The following PHACTR1 variants were observed in gnomAD, a reference collection of about 807,000 sequenced individuals.
PHACTR1 encodes phosphatase and actin regulator 1.
In PHACTR1, 16 loss-of-function variants were observed where a neutral mutation model predicts 69.2. That is an observed-to-expected ratio of 0.23 (90% CI 0.16 to 0.35). The LOEUF (loss-of-function observed/expected upper bound fraction) is 0.35. Among genes scored for constraint, PHACTR1 ranks in the 10% least tolerant of loss-of-function variants. The pLI, the probability that PHACTR1 is intolerant of heterozygous loss-of-function variation, is 1.00. For synonymous variants in PHACTR1, 312 were observed against 284.5 expected, an observed-to-expected ratio of 1.10 and a Z score of -0.97; for missense variants, 510 against 734.7, an observed-to-expected ratio of 0.69 and a Z score of 3.54.
chr6:12,733,282 G>T (rs1763797746), intron 3 of PHACTR1, among the ~76,000 whole-genome samples: 1 of 152,150 alleles, frequency 6.6e-6, no homozygotes, highest in Admixed American at 6.5e-5. Context: ...TAAAACTGAG[G>T]CTTAGGGAAG....
chr6:13,268,912 A>C (rs964912978), intron 10 of PHACTR1, among the ~76,000 whole-genome samples: 1 of 152,250 alleles, frequency 6.6e-6, no homozygotes, highest in African/African-American at 2.4e-5. Flanking sequence ...GTGTTTGACT[A>C]TAAAGCAGCC....
At position 13,210,911 on chromosome 6, in the gene PHACTR1, CTTTTTTTTT is replaced by C. The variant is rs56769825; in HGVS notation, c.986+4789_986+4797del. Among the ~76,000 whole-genome samples the C allele has an allele frequency of 8.8e-3, 639 of 72,958 alleles. 8 individuals are homozygous for C. Among genetic ancestry groups the C allele is most frequent in the African/African-American group, 0.03 (619 of 20,446 alleles). The allele number at this position is 72,958 out of a possible 152,430, so 47.9% of individuals were successfully genotyped here. On this transcript the variant is annotated intron_variant, in intron 8 of 14. Transcript: ENST00000332995. ...TTTGGAAGATGATGGTTTATCATTTCTTTTTTTTTTTTTTTTTTTTTTGCATTGAGATTT... is the reference window on the plus strand; with the variant it reads ...TTTGGAAGATGATGGTTTATCATTTCTTTTTTTTTTTTTGCATTGAGATTT...
At chr6:12,906,012 T>C (rs1247166887) in intron 4 of PHACTR1, among the ~76,000 whole-genome samples, 3 of 152,218 alleles carry the variant, frequency 2.0e-5, no homozygotes, top group Non-Finnish European at 2.9e-5. Flanking sequence ...TCTCACTTTA[T>C]TTCTGCTTTT....
intron 8 of PHACTR1, among the ~76,000 whole-genome samples, chr6:13,223,987 T>TA (rs139577439): frequency 0.013 from 2,031 of 152,058 alleles, 38 homozygotes; most frequent in East Asian, 0.075. Context: ...CCCTGAAAAT[T>TA]AAAAAAAACC....
chr6:13,109,677 T>TAA (rs1397616965), intron 5 of PHACTR1, among the ~76,000 whole-genome samples: 4 of 152,148 alleles, frequency 2.6e-5, no homozygotes. Flanking sequence ...TATACTTACA[T>TAA]AGTTTTTATC....
chr6:12,727,198 T>C (rs1043009286), intron 3 of PHACTR1, among the ~76,000 whole-genome samples: 25 of 152,172 alleles, frequency 1.6e-4, no homozygotes, highest in Admixed American at 1.6e-3. Flanking sequence ...TTTCCAAACC[T>C]GTGTTTAATA....
At position 12,830,537 on chromosome 6, in the gene PHACTR1, A is replaced by G. The variant is rs115017458; in HGVS notation, c.250+80747A>G. ...CTATTATCACCTAGGGGCAGGATAT[A>G]CTAACTGAAGACTCATTTCTTCTGA... On this transcript the variant is annotated intron_variant, in intron 4 of 14. Coordinates refer to ENST00000332995, the MANE Select transcript of PHACTR1 (RefSeq NM_030948.6). Among the ~76,000 whole-genome samples the G allele has an allele frequency of 7.0e-3, 1,066 of 152,088 alleles. 17 individuals carry two copies. The highest frequency in any genetic ancestry group is 0.024 in the African/African-American group (1,015 of 41,464).
chr6:12,721,379 G>C (rs1762107677), intron 3 of PHACTR1, among the ~76,000 whole-genome samples: 1 of 145,678 alleles, frequency 6.9e-6, no homozygotes, highest in East Asian at 2.0e-4. Flanking sequence ...GTGAGATTCT[G>C]TCAAAAAAAA....
At chr6:12,960,732 C>T (rs1471362195) in intron 4 of PHACTR1, among the ~76,000 whole-genome samples, 1 of 152,194 alleles carries the variant, frequency 6.6e-6, no homozygotes, top group African/African-American at 2.4e-5. Context: ...CATCCTGAAT[C>T]TGATGGGCTC....
intron 4 of PHACTR1, among the ~76,000 whole-genome samples, chr6:13,005,824 C>T (rs1328252669): frequency 6.6e-6 from 1 of 152,136 alleles, no homozygotes; most frequent in African/African-American, 2.4e-5. Context: ...TAAAATCTTC[C>T]CAGAGCTGAC....
intron 3 of PHACTR1, among the ~76,000 whole-genome samples, chr6:12,721,074 C>T (rs1352942086): frequency 6.6e-6 from 1 of 152,134 alleles, no homozygotes; most frequent in Non-Finnish European, 1.5e-5. Context: ...CAGCAAAAGC[C>T]CATCCTCTTC....
intron 10 of PHACTR1, chr6:13,267,477 T>C (rs1466486733): frequency 1.3e-5 from 1 of 75,628 alleles, no homozygotes; most frequent in East Asian, 2.6e-4. Flanking sequence ...GGCTGCTGAA[T>C]GGTTTTTTTC....
chr6:13,262,476 T>C (rs1303200404), intron 10 of PHACTR1, among the ~76,000 whole-genome samples: 2 of 152,182 alleles, frequency 1.3e-5, no homozygotes, highest in Non-Finnish European at 2.9e-5. Flanking sequence ...TGAGTGTTGA[T>C]GAGATCATCC....
chr6:12,882,071 T>C (rs1397581364), intron 4 of PHACTR1, among the ~76,000 whole-genome samples: 1 of 152,098 alleles, frequency 6.6e-6, no homozygotes, highest in Non-Finnish European at 1.5e-5. Flanking sequence ...GGCATTTGAC[T>C]GGGGGCTGGG....
chr6:12,850,307 T>C (rs1316192657), intron 4 of PHACTR1, among the ~76,000 whole-genome samples: 1 of 152,246 alleles, frequency 6.6e-6, no homozygotes. Flanking sequence ...TCACCACAGA[T>C]ACTGCTGATC....
intron 4 of PHACTR1, among the ~76,000 whole-genome samples, chr6:13,007,238 GT>G: frequency 6.6e-6 from 1 of 152,118 alleles, no homozygotes; most frequent in East Asian, 1.9e-4. Context: ...GCACCTTTAT[GT>G]TCTGGTACTT....
At chr6:12,758,081 C>T (rs930699040) in intron 4 of PHACTR1, among the ~76,000 whole-genome samples, 1 of 151,478 alleles carries the variant, frequency 6.6e-6, no homozygotes, top group African/African-American at 2.4e-5. Flanking sequence ...CACTGCACTC[C>T]AGCCTGGGAG....
chr6:12,875,004 G>A (rs1782394653), intron 4 of PHACTR1, among the ~76,000 whole-genome samples: 1 of 152,046 alleles, frequency 6.6e-6, no homozygotes, highest in African/African-American at 2.4e-5. Context: ...TTTATTCTTG[G>A]CAAAGAAGAA....
At chr6:13,105,472 C>T (rs1205951660) in intron 5 of PHACTR1, among the ~76,000 whole-genome samples, 1 of 152,066 alleles carries the variant, frequency 6.6e-6, no homozygotes, top group Non-Finnish European at 1.5e-5. Flanking sequence ...GGTTTTTTCC[C>T]CCCTTTAATT....
Sources: allele counts gnomAD v4.1 joint callset (sites outside exome capture counted in the v4.1 genomes callset), GRCh38; gene constraint gnomAD v4.1.1; transcripts MANE v1.5; gene names NCBI Gene and HGNC (gene_info 2026-07-23, HGNC 2026-07-21).